The following ADD1 variants were observed in gnomAD, a reference collection of about 807,000 sequenced individuals.
ADD1 encodes adducin 1.
A neutral mutation model predicts 80.5 loss-of-function variants in ADD1; 24 were observed. That is an observed-to-expected ratio of 0.30 (90% CI 0.22 to 0.42). ADD1 has a LOEUF of 0.42. Ranked by LOEUF, ADD1 falls within the 10% of genes least tolerant of loss-of-function variation. ADD1 has a pLI of 1.00. For synonymous variants in ADD1, 373 were observed against 393.8 expected (o/e 0.95, Z 0.63); for missense variants, 948 against 1,019.0 (o/e 0.93, Z 0.95).
intron 13 of ADD1, among the ~76,000 whole-genome samples, chr4:2,913,996 T>C (rs1306047589): frequency 6.6e-6 from 1 of 150,444 alleles, no homozygotes; most frequent in African/African-American, 2.5e-5. Context: ...GAGGTGGAGC[T>C]TGCAGCGAGC....
rs757890985 is a variant in ADD1 at position 2,894,648 on chromosome 4, G to T, written c.658G>T (p.Gly220Cys). The T allele has an allele frequency of 5.0e-6, 8 of 1,610,414 alleles. No homozygotes were observed. In the Admixed American group the frequency reaches 1.4e-4, roughly 27 times the overall value. Residue 220 changes from glycine to cysteine, a missense_variant, in exon 6 of 16, where the codon GGC (glycine) becomes TGC (cysteine). Gly to Cys is a radical substitution (Grantham distance 159). Transcript: ENST00000683351. ...CACTAATCTGGGAGTGAATCAGGCCGGCTTCACCTTACACTCTGCAATTTA... is the reference window on the plus strand; with the variant it reads ...CACTAATCTGGGAGTGAATCAGGCCTGCTTCACCTTACACTCTGCAATTTA... The part of the protein sequence containing the change: ...GSTNLGVNQA[G>C]FTLHSAIYAA...
intron 4 of ADD1, among the ~76,000 whole-genome samples, chr4:2,885,825 T>A (rs1054105518): frequency 6.6e-6 from 1 of 152,114 alleles, no homozygotes. Flanking sequence ...TTAGCCAGGA[T>A]GGTCTCGATC....
chr4:2,856,614 C>T (rs1254686465), intron 1 of ADD1, among the ~76,000 whole-genome samples: 11 of 120,956 alleles, frequency 9.1e-5, no homozygotes, highest in Non-Finnish European at 1.3e-4. Flanking sequence ...TTTCCTGAGA[C>T]GGGGTCTTGC....
chr4:2,922,988 C>G (rs538590597), intron 14 of ADD1, among the ~76,000 whole-genome samples: 487 of 152,352 alleles, frequency 3.2e-3, no homozygotes, highest in Non-Finnish European at 6.2e-3. Flanking sequence ...GCCCCTCCCC[C>G]CACCAAGCTC....
chr4:2,908,928 G>T, intron 12 of ADD1: 1 of 454,554 alleles, frequency 2.2e-6, no homozygotes, highest in South Asian at 2.4e-5. Context: ...GCTAGGAGAG[G>T]GTGGGTTTAG....
chr4:2,877,648 A>G (rs903744332), intron 2 of ADD1, among the ~76,000 whole-genome samples: 5 of 152,088 alleles, frequency 3.3e-5, no homozygotes, highest in South Asian at 2.1e-4. Flanking sequence ...TCTGAACTCA[A>G]TGACAGGAAG....
Position 2,928,560 on chromosome 4 carries a change from C to G in ADD1, c.*37C>G. 6.3e-7 allele frequency: 1 copy of G among 1,581,400 alleles called. No individual in the cohort carries two copies. The highest frequency in any genetic ancestry group is 8.6e-7 in the Non-Finnish European group (1 of 1,166,902). ...TAACACTGTCCTGTCCGGAGCGACC[C>G]TGGCTCTGCCAGCGTCCCCGGCCAC... On this transcript the variant is annotated 3_prime_UTR_variant, in exon 16 of 16. Transcript: ENST00000683351.
At chr4:2,880,793 G>C (rs1253833661) in intron 2 of ADD1, among the ~76,000 whole-genome samples, 2 of 151,728 alleles carry the variant, frequency 1.3e-5, no homozygotes, top group African/African-American at 4.8e-5. Flanking sequence ...TTTCTTTGCA[G>C]GGTATGTGAA....
chr4:2,852,230 CCTTTCTTTCTTT>C (rs750995674), intron 1 of ADD1, among the ~76,000 whole-genome samples: 1 of 120,258 alleles, frequency 8.3e-6, no homozygotes. Flanking sequence ...TCCTTTCTTT[CCTTTCTTTCTTT>C]CTTTCTCTTT....
At chr4:2,885,879 G>A (rs1194325902) in intron 4 of ADD1, among the ~76,000 whole-genome samples, 3 of 151,992 alleles carry the variant, frequency 2.0e-5, no homozygotes, top group African/African-American at 4.8e-5. Flanking sequence ...CAAAGTGCTG[G>A]GATTACAGGC....
At chr4:2,877,110 A>G (rs1038180408) in intron 2 of ADD1, among the ~76,000 whole-genome samples, 1 of 152,064 alleles carries the variant, frequency 6.6e-6, no homozygotes, top group African/African-American at 2.4e-5. Context: ...TTTGAGCCAC[A>G]GTCATGGCCA....
At chr4:2,892,237 C>G (rs1734409336) in intron 4 of ADD1, among the ~76,000 whole-genome samples, 1 of 152,184 alleles carries the variant, frequency 6.6e-6, no homozygotes. Flanking sequence ...TCAACAAACA[C>G]TCAGCTCCAA....
rs1379380610 is a variant in ADD1 at position 2,910,647 on chromosome 4, C to T, written c.1791+1216C>T. ...GGCAGCACTGAGGACCTTGTTAGGG[C>T]TCTCCAGAAAGCAGCCTGGGTCGCC... is the stretch of plus-strand genomic sequence containing the variant. On this transcript the variant is annotated intron_variant, in intron 13 of 15. Transcript: ENST00000683351. Among the ~76,000 whole-genome samples, 3 of 152,198 alleles carry T rather than the reference C, an allele frequency of 2.0e-5. No individual in the cohort carries two copies. In the East Asian group the frequency reaches 5.8e-4, roughly 29 times the overall value.
chr4:2,850,224 T>C (rs1425654623), intron 1 of ADD1, among the ~76,000 whole-genome samples: 1 of 152,234 alleles, frequency 6.6e-6, no homozygotes, highest in African/African-American at 2.4e-5. Context: ...ACCATGTGCT[T>C]CATGATTTTA....
chr4:2,909,995 A>G (rs571968795), intron 13 of ADD1, among the ~76,000 whole-genome samples: 1 of 149,820 alleles, frequency 6.7e-6, no homozygotes, highest in Non-Finnish European at 1.5e-5. Context: ...ACCCTAAATA[A>G]CATTTTTAAA....
chr4:2,881,584 T>C, intron 2 of ADD1: 1 of 210,298 alleles, frequency 4.8e-6, no homozygotes, highest in Non-Finnish European at 9.3e-6. Flanking sequence ...ACGTAGGATG[T>C]TTTTCCCTTT....
In ADD1 at chr4:2,926,696, G is replaced by A. The variant is rs369475012; in HGVS notation, c.2047+584G>A. The A allele has an allele frequency of 1.6e-5, 25 of 1,611,764 alleles. No individual in the cohort carries two copies. The highest frequency in any genetic ancestry group is 1.8e-5 in the Non-Finnish European group (21 of 1,178,408). ...CCCTAGTAAGTACCGTGCTGCCTCC[G>A]CTCTCCACCGGTGCCCTGCGCTTTG... On this transcript the variant is annotated intron_variant, in intron 15 of 15. Transcript: ENST00000683351. The surrounding 1 kb of genome is among the most constrained non-coding windows in gnomAD (Gnocchi z 5.0).
chr4:2,856,628 G>A (rs1162111048), intron 1 of ADD1, among the ~76,000 whole-genome samples: 6 of 129,064 alleles, frequency 4.6e-5, no homozygotes, highest in South Asian at 2.4e-4. Context: ...GTCTTGCTCC[G>A]TTGCTCAGGC....
chr4:2,869,766 T>C (rs1306599591), intron 1 of ADD1, among the ~76,000 whole-genome samples: 1 of 152,220 alleles, frequency 6.6e-6, no homozygotes, highest in African/African-American at 2.4e-5. Flanking sequence ...AAATTTATTA[T>C]GCGCCAGGAG....
Sources: allele counts gnomAD v4.1 joint callset (sites outside exome capture counted in the v4.1 genomes callset), GRCh38; gene constraint gnomAD v4.1.1; non-coding constraint Gnocchi (gnomAD v3.1); transcripts MANE v1.5; gene names NCBI Gene and HGNC (gene_info 2026-07-23, HGNC 2026-07-21).